CTNNA2: variants seen among roughly 807,000 people sequenced by gnomAD.
The protein encoded by CTNNA2 is catenin alpha 2, also known as catenin alpha-2.
In CTNNA2, 42 loss-of-function variants were observed where a neutral mutation model predicts 101.0. The ratio of observed to expected loss-of-function variants is 0.42; its 90% CI spans 0.32 to 0.54. The LOEUF (loss-of-function observed/expected upper bound fraction) is 0.54. Among genes scored for constraint, CTNNA2 ranks in the 20% least tolerant of loss-of-function variants. The pLI, the probability that CTNNA2 is intolerant of heterozygous loss-of-function variation, is 0.14. For synonymous variants in CTNNA2, 450 were observed against 456.4 expected, an observed-to-expected ratio of 0.99 and a Z score of 0.18; for missense variants, 871 against 1,223.1, an observed-to-expected ratio of 0.71 and a Z score of 4.29.
intron 9 of CTNNA2, among the ~76,000 whole-genome samples, chr2:80,539,912 T>C (rs9309560): frequency 0.54 from 82,340 of 152,072 alleles, 23,733 homozygotes; most frequent in African/African-American, 0.75. Flanking sequence ...GATTAAATCT[T>C]GTGGCTTCAG....
At chr2:80,304,206 A>G (rs1676672847) in intron 7 of CTNNA2, 1 of 169,068 alleles carries the variant, frequency 5.9e-6, no homozygotes, top group South Asian at 2.0e-4. Context: ...GTGCAGGCTA[A>G]TTATATGCAG....
chr2:79,277,281 C>A (rs1675237187), intron 2 of CTNNA2, among the ~76,000 whole-genome samples: 1 of 152,094 alleles, frequency 6.6e-6, no homozygotes. Context: ...TCTTTCTTAT[C>A]TTTTTGAATA....
In CTNNA2 at chr2:79,599,140, G is replaced by T. The variant is rs114408568; in HGVS notation, c.-5-52412G>T. 1.1e-4 allele frequency among the ~76,000 whole-genome samples: 17 copies of T among 152,088 alleles called. No individual in the cohort carries two copies. In the East Asian group the frequency reaches 2.7e-3, roughly 24 times the overall value. ...ATGTGGGCCTATGTCTGGGATCTCC[G>T]TCCTGTTCTATTCATCTATTTGTCT... is the stretch of plus-strand genomic sequence containing the variant. On this transcript the variant is annotated intron_variant, in intron 1 of 18. Transcript: ENST00000402739.
At chr2:80,247,952 G>A (rs1470142364) in intron 7 of CTNNA2, among the ~76,000 whole-genome samples, 1 of 148,650 alleles carries the variant, frequency 6.7e-6, no homozygotes, top group Non-Finnish European at 1.5e-5. Flanking sequence ...TCTTACTGAA[G>A]CAATCTGCAT....
At chr2:79,198,329 T>A (rs549002287) in intron 2 of CTNNA2, among the ~76,000 whole-genome samples, 1 of 152,316 alleles carries the variant, frequency 6.6e-6, no homozygotes, top group South Asian at 2.1e-4. Flanking sequence ...AAAATAAGCA[T>A]GGATTGGTTT....
At chr2:80,563,179 A>G (rs1435326962) in intron 12 of CTNNA2, among the ~76,000 whole-genome samples, 1 of 152,076 alleles carries the variant, frequency 6.6e-6, no homozygotes, top group Non-Finnish European at 1.5e-5. Flanking sequence ...ATGGCAGTGT[A>G]GTAAATTAGG....
chr2:79,758,294 G>A (rs1197442869), intron 3 of CTNNA2, among the ~76,000 whole-genome samples: 2 of 152,150 alleles, frequency 1.3e-5, no homozygotes, highest in Non-Finnish European at 2.9e-5. Flanking sequence ...TGTTGAAGAC[G>A]AAGCTGATTC....
chr2:79,442,252 A>G (rs1398426542), intron 4 of CTNNA2, among the ~76,000 whole-genome samples: 2 of 152,184 alleles, frequency 1.3e-5, no homozygotes, highest in African/African-American at 4.8e-5. Context: ...ATCAGCATGG[A>G]TGTTTTTGTT....
At chr2:80,211,682 A>G (rs1461751480) in intron 7 of CTNNA2, among the ~76,000 whole-genome samples, 1 of 152,076 alleles carries the variant, frequency 6.6e-6, no homozygotes, top group African/African-American at 2.4e-5. Context: ...TTGGCTGAGG[A>G]TTGTCTTGGC....
chr2:79,956,522 C>CA (rs1429714166), intron 7 of CTNNA2, among the ~76,000 whole-genome samples: 1 of 151,698 alleles, frequency 6.6e-6, no homozygotes, highest in Non-Finnish European at 1.5e-5. Context: ...AAGGTTTGGG[C>CA]AAAAAAGGCA....
intron 2 of CTNNA2, among the ~76,000 whole-genome samples, chr2:79,723,344 G>A (rs1414297674): frequency 1.3e-5 from 2 of 152,156 alleles, no homozygotes; most frequent in African/African-American, 4.8e-5. Context: ...TTATGAAGAG[G>A]CATTTCCAAA....
chr2:79,358,125 T>G (rs1160092473), intron 3 of CTNNA2, among the ~76,000 whole-genome samples: 1 of 152,142 alleles, frequency 6.6e-6, no homozygotes, highest in Admixed American at 6.6e-5. Context: ...TTCTTCTTAT[T>G]AAATGAAAAC....
At chr2:80,524,623 T>G (rs1289083422) in intron 9 of CTNNA2, among the ~76,000 whole-genome samples, 1 of 152,174 alleles carries the variant, frequency 6.6e-6, no homozygotes, top group African/African-American at 2.4e-5. Context: ...TGGCCATGGC[T>G]CACATTCTTT....
chr2:80,109,477 A>G (rs1227503511), intron 7 of CTNNA2, among the ~76,000 whole-genome samples: 1 of 151,986 alleles, frequency 6.6e-6, no homozygotes, highest in African/African-American at 2.4e-5. Flanking sequence ...CAAACAAACA[A>G]ACAAACAAAC....
chr2:79,495,331 A>T (rs1671245519), intron 4 of CTNNA2, among the ~76,000 whole-genome samples: 1 of 152,252 alleles, frequency 6.6e-6, no homozygotes, highest in Non-Finnish European at 1.5e-5. Context: ...ATGTATTTTT[A>T]AAGAAGATAT....
chr2:79,269,432 C>T (rs1897784), intron 2 of CTNNA2, among the ~76,000 whole-genome samples: 92,244 of 151,972 alleles, frequency 0.61, 28,236 homozygotes, highest in African/African-American at 0.62. Flanking sequence ...TCAGGCAACC[C>T]GCAGTGGGTC....
intron 4 of CTNNA2, among the ~76,000 whole-genome samples, chr2:79,466,423 G>C (rs1162199555): frequency 6.6e-6 from 1 of 152,212 alleles, no homozygotes; most frequent in Non-Finnish European, 1.5e-5. Flanking sequence ...AAGGAGGCCT[G>C]CCTGCCTCTG....
intron 7 of CTNNA2, among the ~76,000 whole-genome samples, chr2:80,355,648 C>G (rs1673712831): frequency 6.6e-6 from 1 of 152,176 alleles, no homozygotes; most frequent in Non-Finnish European, 1.5e-5. Flanking sequence ...GGCAGGTAAC[C>G]TCTTGTCACT....
chr2:80,054,529 A>G (rs1697091763), intron 7 of CTNNA2, among the ~76,000 whole-genome samples: 1 of 152,124 alleles, frequency 6.6e-6, no homozygotes, highest in African/African-American at 2.4e-5. Flanking sequence ...GCAAAGGTGG[A>G]GTGTTGGGTG....
Sources: allele counts gnomAD v4.1 joint callset (sites outside exome capture counted in the v4.1 genomes callset), GRCh38; gene constraint gnomAD v4.1.1; transcripts MANE v1.5; gene names NCBI Gene and HGNC (gene_info 2026-07-23, HGNC 2026-07-21).